Variants in STXBP5L observed in about 807,000 individuals in gnomAD.
The protein encoded by STXBP5L is syntaxin binding protein 5L.
STXBP5L carries 65 observed loss-of-function variants against 144.5 expected under a neutral mutation model. The ratio of observed to expected loss-of-function variants is 0.45; its 90% CI spans 0.37 to 0.55. The LOEUF (loss-of-function observed/expected upper bound fraction) is 0.55. STXBP5L is among the 20% of genes least tolerant of loss of function. STXBP5L has a pLI of 0.00. For synonymous variants in STXBP5L, 505 were observed against 469.6 expected, an observed-to-expected ratio of 1.08 and a Z score of -0.97; for missense variants, 1,298 against 1,405.5, an observed-to-expected ratio of 0.92 and a Z score of 1.22.
At chr3:121,297,995 C>G (rs1469839845) in intron 19 of STXBP5L, among the ~76,000 whole-genome samples, 1 of 152,112 alleles carries the variant, frequency 6.6e-6, no homozygotes, top group East Asian at 1.9e-4. Flanking sequence ...GATAAATACC[C>G]AGAAGTAGGA....
intron 3 of STXBP5L, among the ~76,000 whole-genome samples, chr3:120,994,886 G>A (rs1943216367): frequency 6.6e-6 from 1 of 151,756 alleles, no homozygotes; most frequent in Non-Finnish European, 1.5e-5. Flanking sequence ...GAACTTGGCA[G>A]TGAAGCCATT....
chr3:121,052,870 C>T (rs1485293896), intron 5 of STXBP5L, among the ~76,000 whole-genome samples: 1 of 152,144 alleles, frequency 6.6e-6, no homozygotes, highest in African/African-American at 2.4e-5. Flanking sequence ...CCAAAATCTC[C>T]TTAAGCTGAT....
At chr3:121,171,754 CGT>C (rs137892628) in intron 9 of STXBP5L, among the ~76,000 whole-genome samples, 15,100 of 152,104 alleles carry the variant, frequency 0.099, 1,183 homozygotes, top group Admixed American at 0.2. Flanking sequence ...GAATCAATAT[CGT>C]GTGAAAATGG....
Position 121,407,460 on chromosome 3 carries a change from A to T in STXBP5L, c.2805A>T (p.Lys935Asn). The T allele has an allele frequency of 6.2e-7, 1 of 1,613,368 alleles. No individual in the cohort carries two copies. The highest frequency in any genetic ancestry group is 8.5e-7 in the Non-Finnish European group (1 of 1,179,482). The change falls in exon 23 of 27, where the codon AAA becomes AAT. Residue 935 changes from lysine to asparagine, a missense_variant. Coordinates refer to ENST00000471454, the MANE Select transcript of STXBP5L (RefSeq NM_001308330.2). ...YTIICSEKQA[K>N]VFSLPSQTCL... ...TAATCTGCTCAGAAAAACAAGCCAA[A>T]GTCTTCTCACTGCCTTCTCAGACTT... is the stretch of plus-strand genomic sequence containing the variant.
chr3:120,985,083 A>G (rs1040134028), intron 3 of STXBP5L, among the ~76,000 whole-genome samples: 1 of 151,900 alleles, frequency 6.6e-6, no homozygotes, highest in Non-Finnish European at 1.5e-5. Flanking sequence ...TGATAATTTC[A>G]TGCCAGTGTT....
intron 10 of STXBP5L, among the ~76,000 whole-genome samples, chr3:121,211,348 A>C (rs1322343890): frequency 6.6e-6 from 1 of 152,132 alleles, no homozygotes; most frequent in Non-Finnish European, 1.5e-5. Context: ...GGGGTTTTCT[A>C]AATATACAAT....
At chr3:121,378,616 G>A in intron 20 of STXBP5L, 100 bp from the exon 21 acceptor site, 1 of 1,281,222 alleles carries the variant, frequency 7.8e-7, no homozygotes, top group Non-Finnish European at 1.0e-6. Flanking sequence ...AGAAAATAAA[G>A]GAATTGTTGC....
intron 6 of STXBP5L, 43 bp downstream of exon 6, chr3:121,115,102 C>T: frequency 2.6e-6 from 4 of 1,565,318 alleles, no homozygotes; most frequent in Non-Finnish European, 3.5e-6. Flanking sequence ...TTAAATACTT[C>T]ATACAGTTAT....
chr3:121,183,561 CAA>C (rs2047243364), intron 9 of STXBP5L, among the ~76,000 whole-genome samples: 1 of 144,954 alleles, frequency 6.9e-6, no homozygotes. Flanking sequence ...GCAAGCAAGA[CAA>C]AGAGAGAAAG....
chr3:121,204,998 C>G (rs2048283460), intron 9 of STXBP5L, among the ~76,000 whole-genome samples: 2 of 152,038 alleles, frequency 1.3e-5, no homozygotes, highest in South Asian at 4.1e-4. Flanking sequence ...AATGTAGTAT[C>G]TGTGTTCATT....
chr3:121,198,107 C>T (rs9855730), intron 9 of STXBP5L, among the ~76,000 whole-genome samples: 15,118 of 152,190 alleles, frequency 0.099, 1,185 homozygotes, highest in Admixed American at 0.2. Context: ...TTTACACTGC[C>T]ACCAACAGTG....
chr3:120,946,503 G>T lies in STXBP5L; in HGVS notation c.190-8437G>T, dbSNP rs1710863406. 2.0e-5 allele frequency among the ~76,000 whole-genome samples: 3 copies of T among 151,554 alleles called. No individual in the cohort carries two copies. In the South Asian group the frequency reaches 6.2e-4, roughly 31 times the overall value. Reference sequence around the variant, plus strand: ...CGATCTGGTCTAGCCTGCAGTGGAGGCTGATAAATATAGTATTTAACTGGA... The same window carrying T: ...CGATCTGGTCTAGCCTGCAGTGGAGTCTGATAAATATAGTATTTAACTGGA... On this transcript the variant is annotated intron_variant, in intron 2 of 26. Coordinates refer to ENST00000471454, the MANE Select transcript of STXBP5L (RefSeq NM_001308330.2).
At chr3:121,122,660 CT>C (rs941087101) in intron 7 of STXBP5L, among the ~76,000 whole-genome samples, 3 of 151,382 alleles carry the variant, frequency 2.0e-5, no homozygotes, top group African/African-American at 7.2e-5. Context: ...TGGTTCTTCA[CT>C]TTGAAAAGAA....
At chr3:121,206,175 A>G (rs1484036226) in intron 10 of STXBP5L, among the ~76,000 whole-genome samples, 174 bp downstream of exon 10, 2 of 152,160 alleles carry the variant, frequency 1.3e-5, no homozygotes, top group African/African-American at 2.4e-5. Context: ...TATTATTATG[A>G]TTATTATAAA....
Position 121,250,692 on chromosome 3 carries a change from TTTAA to T in STXBP5L, c.1401-25_1401-22del, listed in dbSNP as rs775374374. ...TGATTATGATTTTTATTTAGTATAC[TTTAA>T]TTAATGCTAATTTATTTCTCATCTA... On this transcript the variant is annotated intron_variant, in intron 14 of 26. Coordinates refer to ENST00000471454, the MANE Select transcript of STXBP5L (RefSeq NM_001308330.2). The T allele has an allele frequency of 7.6e-6, 12 of 1,571,376 alleles. No individual in the cohort carries two copies. In the South Asian group the frequency reaches 7.9e-5, roughly 10 times the overall value.
At chr3:121,168,561 T>C (rs952768105) in intron 9 of STXBP5L, among the ~76,000 whole-genome samples, 1 of 152,016 alleles carries the variant, frequency 6.6e-6, no homozygotes, top group Non-Finnish European at 1.5e-5. Flanking sequence ...TATCAATAGC[T>C]GAACTGATCA....
intron 8 of STXBP5L, among the ~76,000 whole-genome samples, chr3:121,157,106 C>T (rs552684423): frequency 2.0e-4 from 30 of 152,188 alleles, no homozygotes; most frequent in Non-Finnish European, 4.0e-4. Flanking sequence ...TGATTGAGAA[C>T]GTTTTTCGTA....
At chr3:121,094,843 A>C (rs546464733) in intron 5 of STXBP5L, among the ~76,000 whole-genome samples, 3 of 151,842 alleles carry the variant, frequency 2.0e-5, no homozygotes, top group Non-Finnish European at 4.4e-5. Flanking sequence ...TTTGCTCGTT[A>C]GTTGATGCAG....
At chr3:121,156,527 G>A (rs2046118034) in intron 8 of STXBP5L, among the ~76,000 whole-genome samples, 1 of 151,816 alleles carries the variant, frequency 6.6e-6, no homozygotes, top group Non-Finnish European at 1.5e-5. Context: ...AATACCAAGG[G>A]TGTGGAAATG....
Sources: gnomAD v4.1 joint callset for allele counts (sites outside exome capture counted in the v4.1 genomes callset) on GRCh38, gnomAD v4.1.1 for gene constraint, MANE v1.5 for transcripts, NCBI Gene and HGNC (gene_info 2026-07-23, HGNC 2026-07-21) for gene names.